Variants in RGS6 observed in about 807,000 individuals in gnomAD.
RGS6 encodes regulator of G protein signaling 6, also known as regulator of G-protein signaling 6.
In RGS6, 30 loss-of-function variants were observed where a neutral mutation model predicts 78.5. The observed-to-expected ratio is 0.38, with a 90% CI of 0.29 to 0.52. The LOEUF (loss-of-function observed/expected upper bound fraction) is 0.52, where lower values mean the gene tolerates loss of function less well. Ranked by LOEUF, RGS6 falls within the 20% of genes least tolerant of loss-of-function variation. The pLI, the probability that RGS6 is intolerant of heterozygous loss-of-function variation, is 0.85. For missense variants in RGS6, 495 were observed against 609.7 expected (o/e 0.81, Z 1.98); for synonymous variants, 206 against 206.0 (o/e 1.00, Z 0.00).
chr14:71,948,006 A>G (rs1337893542), intron 1 of RGS6, among the ~76,000 whole-genome samples: 1 of 152,240 alleles, frequency 6.6e-6, no homozygotes, highest in Non-Finnish European at 1.5e-5. Flanking sequence ...AACTGAACTG[A>G]AGCAAAATCC....
At chr14:72,272,888 G>A (rs1294299267) in intron 2 of RGS6, among the ~76,000 whole-genome samples, 1 of 152,234 alleles carries the variant, frequency 6.6e-6, no homozygotes, top group Non-Finnish European at 1.5e-5. Context: ...GCCAAGGCGG[G>A]TGGATCACCT....
the RGS6 span, among the ~76,000 whole-genome samples, chr14:72,576,537 C>G: frequency 6.6e-6 from 1 of 152,216 alleles, no homozygotes; most frequent in Non-Finnish European, 1.5e-5. Context: ...AAACCCTTTT[C>G]TCTGTTCATT....
At chr14:71,953,026 G>A (rs1024329225) in intron 1 of RGS6, among the ~76,000 whole-genome samples, 3 of 152,126 alleles carry the variant, frequency 2.0e-5, no homozygotes, top group Non-Finnish European at 4.4e-5. Flanking sequence ...AATCTTTCAT[G>A]CGAAATAAGA....
intron 6 of RGS6, among the ~76,000 whole-genome samples, chr14:72,461,835 T>C (rs1294143605): frequency 6.6e-6 from 1 of 152,222 alleles, no homozygotes; most frequent in African/African-American, 2.4e-5. Flanking sequence ...GGCAAATTAC[T>C]TAACCTCTCT....
chr14:72,154,133 G>C (rs1000363128), intron 2 of RGS6, among the ~76,000 whole-genome samples: 2 of 152,106 alleles, frequency 1.3e-5, no homozygotes, highest in African/African-American at 2.4e-5. Flanking sequence ...TCTCCTACTT[G>C]CACAACCGTT....
At chr14:72,262,269 CA>C (rs1567607852) in intron 2 of RGS6, among the ~76,000 whole-genome samples, 1 of 152,208 alleles carries the variant, frequency 6.6e-6, no homozygotes, top group Non-Finnish European at 1.5e-5. Context: ...GCAAGTACCA[CA>C]GACTGGGTGG....
At chr14:72,462,500 A>C (rs1385716800) in intron 6 of RGS6, among the ~76,000 whole-genome samples, 3 of 152,058 alleles carry the variant, frequency 2.0e-5, no homozygotes, top group African/African-American at 7.3e-5. Context: ...TAGGGTTATT[A>C]TGAGGATTAA....
At chr14:71,962,477 T>G (rs1387207239) in intron 1 of RGS6, among the ~76,000 whole-genome samples, 1 of 152,210 alleles carries the variant, frequency 6.6e-6, no homozygotes, top group African/African-American at 2.4e-5. Context: ...ATAAATGAAC[T>G]CAATTTTTGT....
intron 2 of RGS6, among the ~76,000 whole-genome samples, chr14:72,012,616 A>G (rs2086009704): frequency 6.6e-6 from 1 of 152,204 alleles, no homozygotes; most frequent in Non-Finnish European, 1.5e-5. Context: ...CATATCTGTG[A>G]TGTTTCCTGA....
At chr14:71,884,882 C>T in the RGS6 span, among the ~76,000 whole-genome samples, 152 of 152,188 alleles carry the variant, frequency 1.0e-3, no homozygotes, top group African/African-American at 3.2e-3. Context: ...TTAAGGAGGC[C>T]CTTTCGTTCC....
chr14:72,558,951 G>A (rs1249951163), intron 17 of RGS6, among the ~76,000 whole-genome samples: 2 of 152,218 alleles, frequency 1.3e-5, no homozygotes, highest in East Asian at 3.8e-4. Flanking sequence ...AAGGCCTCGG[G>A]CTGAGCTGGC....
chr14:72,475,042 A>G (rs1218901634), intron 10 of RGS6, among the ~76,000 whole-genome samples: 1 of 151,940 alleles, frequency 6.6e-6, no homozygotes, highest in Non-Finnish European at 1.5e-5. Flanking sequence ...GGGCTTCCCA[A>G]GGGCTTCCTG....
intron 12 of RGS6, among the ~76,000 whole-genome samples, chr14:72,481,885 T>G (rs1437013438): frequency 6.7e-6 from 1 of 149,598 alleles, no homozygotes; most frequent in Admixed American, 6.7e-5. Flanking sequence ...CTCGGCTCAC[T>G]GCAAGCTCCG....
At chr14:72,333,980 T>C (rs1259897161) in intron 2 of RGS6, among the ~76,000 whole-genome samples, 2 of 152,222 alleles carry the variant, frequency 1.3e-5, no homozygotes, top group East Asian at 3.8e-4. Flanking sequence ...GGAAGTTGTC[T>C]CTCTCTCTTT....
At chr14:71,937,095 C>T (rs1427223820) in intron 1 of RGS6, among the ~76,000 whole-genome samples, 1 of 152,174 alleles carries the variant, frequency 6.6e-6, no homozygotes, top group Non-Finnish European at 1.5e-5. Context: ...ATGTAGTCTT[C>T]CTTACCTCTG....
chr14:71,915,090 A>G, the RGS6 span, among the ~76,000 whole-genome samples: 1 of 150,768 alleles, frequency 6.6e-6, no homozygotes, highest in Non-Finnish European at 1.5e-5. Flanking sequence ...TCTAGTAAAC[A>G]TAACAAAAAA....
rs558303920 is a variant in RGS6 at position 72,434,324 on chromosome 14, G to A, written c.185-20204G>A. Among the ~76,000 whole-genome samples the A allele has an allele frequency of 1.5e-4, 23 of 152,324 alleles. No homozygotes were observed. In the South Asian group the frequency reaches 1.9e-3, roughly 12 times the overall value. ...TGCACTACAGCCTGGGTGACAGAGC[G>A]AGACCCTGTCTCTAAAAAGTTTTCA... On this transcript the variant is annotated intron_variant, in intron 3 of 17. Coordinates refer to ENST00000553525, the MANE Select transcript of RGS6 (RefSeq NM_001204424.2).
At chr14:71,957,418 A>G (rs544545284) in intron 1 of RGS6, among the ~76,000 whole-genome samples, 1 of 151,648 alleles carries the variant, frequency 6.6e-6, no homozygotes, top group African/African-American at 2.4e-5. Context: ...GTCTTCAGAT[A>G]TATGACGTGA....
chr14:72,612,811 G>C, the RGS6 span, among the ~76,000 whole-genome samples: 3 of 152,200 alleles, frequency 2.0e-5, no homozygotes, highest in Non-Finnish European at 4.4e-5. Context: ...GAGAGGTCGC[G>C]GAGCCAGTAG....
Sources: gnomAD v4.1 joint callset for allele counts (sites outside exome capture counted in the v4.1 genomes callset) on GRCh38, gnomAD v4.1.1 for gene constraint, MANE v1.5 for transcripts, NCBI Gene and HGNC (gene_info 2026-07-23, HGNC 2026-07-21) for gene names.